ACOXL: variants seen among roughly 807,000 people sequenced by gnomAD.
ACOXL encodes acyl-coenzyme A oxidase-like protein.
A neutral mutation model predicts 71.9 loss-of-function variants in ACOXL; 70 were observed. The ratio of observed to expected loss-of-function variants is 0.97; its 90% CI spans 0.80 to 1.19. The LOEUF (loss-of-function observed/expected upper bound fraction) is 1.19, where lower values mean the gene tolerates loss of function less well. ACOXL is among the 50% of genes most tolerant of loss of function. The pLI, the probability that ACOXL is intolerant of heterozygous loss-of-function variation, is 0.00. For missense variants in ACOXL, 703 were observed against 736.3 expected, an observed-to-expected ratio of 0.95 and a Z score of 0.52; for synonymous variants, 253 against 281.6, an observed-to-expected ratio of 0.90 and a Z score of 1.02.
intron 11 of ACOXL, among the ~76,000 whole-genome samples, chr2:110,923,886 A>G (rs562320579): frequency 6.6e-6 from 1 of 152,006 alleles, no homozygotes; most frequent in South Asian, 2.1e-4. Flanking sequence ...CAGTGAGCTG[A>G]GAACACACCA....
chr2:110,799,178 C>A, intron 7 of ACOXL, 78 bp downstream of exon 7: 1 of 1,391,892 alleles, frequency 7.2e-7, no homozygotes, highest in Non-Finnish European at 1.0e-6. Context: ...ATCTAACCTA[C>A]GTTATATTAC....
intron 9 of ACOXL, among the ~76,000 whole-genome samples, chr2:110,840,092 T>C (rs1690970883): frequency 1.3e-5 from 2 of 152,098 alleles, no homozygotes; most frequent in Admixed American, 1.3e-4. Context: ...CCAGGTTCAA[T>C]CGATTCTCCT....
intron 11 of ACOXL, among the ~76,000 whole-genome samples, chr2:110,914,061 TC>T (rs1295142308): frequency 6.6e-6 from 1 of 152,306 alleles, no homozygotes; most frequent in East Asian, 1.9e-4. Flanking sequence ...ATGAAAATAT[TC>T]TAAAATTAGA....
chr2:110,951,146 G>T (rs1394173222), intron 12 of ACOXL, among the ~76,000 whole-genome samples: 1 of 152,122 alleles, frequency 6.6e-6, no homozygotes, highest in Non-Finnish European at 1.5e-5. Context: ...ACGTGCCAGC[G>T]GACGTCCCAT....
intron 13 of ACOXL, among the ~76,000 whole-genome samples, chr2:110,995,468 C>G (rs184225951): frequency 9.1e-6 from 1 of 110,370 alleles, no homozygotes; most frequent in Non-Finnish European, 1.7e-5. Flanking sequence ...CCACTGCACT[C>G]CAGCCTGGGA....
intron 17 of ACOXL, among the ~76,000 whole-genome samples, chr2:111,112,287 C>T (rs908054744): frequency 2.0e-5 from 3 of 152,292 alleles, no homozygotes; most frequent in Admixed American, 6.5e-5. Flanking sequence ...GACCAGGAGA[C>T]GCACCAAGCT....
intron 10 of ACOXL, among the ~76,000 whole-genome samples, chr2:110,854,116 C>T (rs527936488): frequency 3.9e-5 from 6 of 152,012 alleles, no homozygotes; most frequent in Admixed American, 6.6e-5. Flanking sequence ...TGTCTGTGTG[C>T]GTGTGCATGT....
chr2:110,912,199 A>G (rs894325099), intron 11 of ACOXL, among the ~76,000 whole-genome samples: 2 of 152,084 alleles, frequency 1.3e-5, no homozygotes, highest in Non-Finnish European at 1.5e-5. Context: ...TCCCTAAATT[A>G]ATCTGTAGAT....
chr2:111,058,168 C>G lies in ACOXL; in HGVS notation c.1440+8880C>G, dbSNP rs573751057. ...AGGAAACTGAGAGCAAAATTTGGCT[C>G]TCGGAGACTAAAGTTAGTGGGAGGA... On this transcript the variant is annotated intron_variant, in intron 16 of 17. Transcript: ENST00000439055. Among the ~76,000 whole-genome samples, 823 of 152,316 alleles carry G rather than the reference C, an allele frequency of 5.4e-3. 2 individuals carry two copies. Among genetic ancestry groups the G allele is most frequent in the Non-Finnish European group, 9.7e-3 (658 of 68,028 alleles).
intron 13 of ACOXL, among the ~76,000 whole-genome samples, chr2:110,995,404 G>A (rs927180551): frequency 7.2e-6 from 1 of 139,780 alleles, no homozygotes; most frequent in African/African-American, 2.7e-5. Flanking sequence ...GGAAGCTGAG[G>A]CATGAGAATC....
At chr2:110,886,986 G>A (rs1418738670) in intron 10 of ACOXL, 2 of 1,077,028 alleles carry the variant, frequency 1.9e-6, no homozygotes, top group African/African-American at 3.2e-5. Context: ...TTTTATCTGA[G>A]AATGTTGTGT....
chr2:111,091,394 C>T (rs1401162605), intron 16 of ACOXL, among the ~76,000 whole-genome samples: 1 of 152,146 alleles, frequency 6.6e-6, no homozygotes, highest in Admixed American at 6.6e-5. Context: ...TCTAAGAACT[C>T]TTATACTTCT....
At chr2:110,963,603 G>A in intron 12 of ACOXL, 4 of 1,293,094 alleles carry the variant, frequency 3.1e-6, no homozygotes, top group South Asian at 1.7e-5. Flanking sequence ...GTGTGTGTGT[G>A]TTTTTCTCTT....
intron 14 of ACOXL, among the ~76,000 whole-genome samples, chr2:111,027,325 CT>C (rs530926518): frequency 0.38 from 54,083 of 141,894 alleles, 9,608 homozygotes; most frequent in South Asian, 0.45. Flanking sequence ...GAAAATTATT[CT>C]TTTTTTTTTT....
At chr2:110,763,369 G>A (rs1322591559) in intron 1 of ACOXL, among the ~76,000 whole-genome samples, 1 of 152,192 alleles carries the variant, frequency 6.6e-6, no homozygotes, top group African/African-American at 2.4e-5. Flanking sequence ...AGAAAGTCCA[G>A]AAATGGACTC....
chr2:110,966,846 A>G (rs1026593485), intron 12 of ACOXL, among the ~76,000 whole-genome samples: 3 of 152,220 alleles, frequency 2.0e-5, no homozygotes, highest in Non-Finnish European at 4.4e-5. Flanking sequence ...CCTGTCTCCA[A>G]CAAGGCAATG....
At chr2:110,969,363 A>T (rs1574326266) in intron 12 of ACOXL, among the ~76,000 whole-genome samples, 1 of 152,348 alleles carries the variant, frequency 6.6e-6, no homozygotes, top group East Asian at 1.9e-4. Flanking sequence ...AGAACAATAG[A>T]GAAAATCCAT....
At chr2:111,022,313 C>T (rs112185721) in intron 14 of ACOXL, among the ~76,000 whole-genome samples, 4 of 151,648 alleles carry the variant, frequency 2.6e-5, no homozygotes, top group African/African-American at 7.3e-5. Context: ...TGTGGTGAGC[C>T]GAGATCGTTC....
chr2:110,884,042 T>C (rs1218607823), intron 10 of ACOXL, among the ~76,000 whole-genome samples: 1 of 152,174 alleles, frequency 6.6e-6, no homozygotes, highest in Non-Finnish European at 1.5e-5. Context: ...ACCTCTACCA[T>C]CTTAAGGTTT....
Sources: gnomAD v4.1 joint callset for allele counts (sites outside exome capture counted in the v4.1 genomes callset) on GRCh38, gnomAD v4.1.1 for gene constraint, MANE v1.5 for transcripts, NCBI Gene and HGNC (gene_info 2026-07-23, HGNC 2026-07-21) for gene names.